The following HMGB1 variants were observed in gnomAD, a reference collection of about 807,000 sequenced individuals.
The protein encoded by HMGB1 is high mobility group box 1.
For missense variants in HMGB1, 79 were observed against 253.5 expected (o/e 0.31, Z 4.67); for synonymous variants, 81 against 84.0 (o/e 0.96, Z 0.19).
intron 1 of HMGB1, among the ~76,000 whole-genome samples, chr13:30,586,992 C>T (rs1871181375): frequency 6.6e-6 from 1 of 152,118 alleles, no homozygotes; most frequent in Non-Finnish European, 1.5e-5. Flanking sequence ...ATTCTTTTCT[C>T]ACTAGTTATT....
chr13:30,541,400 GAAGT>G (rs1868877583), intron 1 of HMGB1, among the ~76,000 whole-genome samples: 1 of 152,192 alleles, frequency 6.6e-6, no homozygotes, highest in African/African-American at 2.4e-5. Flanking sequence ...AGATTTCCTG[GAAGT>G]AAGTGGGAAG....
intron 1 of HMGB1, among the ~76,000 whole-genome samples, chr13:30,532,514 A>G (rs143225043): frequency 1.2e-3 from 185 of 151,910 alleles, no homozygotes; most frequent in Non-Finnish European, 2.2e-3. Context: ...TTTATTTTTT[A>G]TATATGTTTT....
chr13:30,493,439 C>T lies in HMGB1; in HGVS notation c.-14-29745G>A, dbSNP rs143027944. Among the ~76,000 whole-genome samples, 9 of 152,228 alleles carry T rather than the reference C, an allele frequency of 5.9e-5. No homozygotes were observed. In the East Asian group the frequency reaches 1.4e-3, roughly 23 times the overall value. ...CAGACATGGAGAAGGATAAGGGAAA[C>T]GAGAAAATCTGGGGGATGACAGGAA... On this transcript the variant is annotated intron_variant, in intron 1 of 4. Coordinates refer to the HMGB1 transcript ENST00000405805.
At chr13:30,495,094 T>A (rs548704511) in intron 1 of HMGB1, among the ~76,000 whole-genome samples, 1 of 152,316 alleles carries the variant, frequency 6.6e-6, no homozygotes, top group Non-Finnish European at 1.5e-5. Flanking sequence ...AATTGGGTCA[T>A]CCCTAATTCA....
chr13:30,575,364 G>A (rs891770470), intron 1 of HMGB1, among the ~76,000 whole-genome samples: 6 of 152,162 alleles, frequency 3.9e-5, no homozygotes, highest in Admixed American at 6.5e-5. Context: ...ATATTTGTGA[G>A]TCTAAAGGTT....
intron 1 of HMGB1, among the ~76,000 whole-genome samples, chr13:30,615,251 TTAC>T (rs1950549872): frequency 6.6e-6 from 1 of 152,212 alleles, no homozygotes; most frequent in Admixed American, 6.5e-5. Context: ...ATGTCTTAAG[TTAC>T]TTTTTTAAAT....
intron 1 of HMGB1, among the ~76,000 whole-genome samples, chr13:30,533,363 CTTTGT>C (rs1044956331): frequency 6.6e-6 from 1 of 152,038 alleles, no homozygotes; most frequent in Non-Finnish European, 1.5e-5. Context: ...GTCTTTCAAA[CTTTGT>C]TTTTTGTTGT....
chr13:30,489,634 T>C (rs931751959), intron 1 of HMGB1, among the ~76,000 whole-genome samples: 3 of 152,144 alleles, frequency 2.0e-5, no homozygotes, highest in Non-Finnish European at 2.9e-5. Context: ...AAAGTCAGGA[T>C]ACGAATAGAT....
rs117740897 is a variant in HMGB1 at position 30,545,894 on chromosome 13, T to C, written c.-15+70777A>G. Among the ~76,000 whole-genome samples, 1,256 of 151,718 alleles carry C rather than the reference T, an allele frequency of 8.3e-3. 7 individuals are homozygous for C. The highest frequency in any genetic ancestry group is 0.013 in the Non-Finnish European group (868 of 67,886). On this transcript the variant is annotated intron_variant, in intron 1 of 4. Coordinates refer to the HMGB1 transcript ENST00000405805. The stretch of plus-strand genomic sequence containing the variant: ...TTTTTGTGTTTTTTATAGAAACGGG[T>C]TTTCAACATGTTGCCCAAGCTGGTC...
At chr13:30,484,438 G>C (rs1887312769) in intron 1 of HMGB1, among the ~76,000 whole-genome samples, 1 of 152,208 alleles carries the variant, frequency 6.6e-6, no homozygotes, top group Non-Finnish European at 1.5e-5. Flanking sequence ...GAGTGAAGCA[G>C]GATGCTATTT....
chr13:30,503,512 T>C (rs1181860503), intron 1 of HMGB1, among the ~76,000 whole-genome samples: 1 of 152,086 alleles, frequency 6.6e-6, no homozygotes, highest in East Asian at 1.9e-4. Flanking sequence ...GTATACTGTA[T>C]CTTTTATGGA....
intron 1 of HMGB1, among the ~76,000 whole-genome samples, chr13:30,581,219 T>C (rs1369761391): frequency 6.6e-6 from 1 of 152,216 alleles, no homozygotes; most frequent in Non-Finnish European, 1.5e-5. Flanking sequence ...TAACTTAGAT[T>C]ACTTAGAGTA....
chr13:30,608,915 T>G (rs554662976), intron 1 of HMGB1, among the ~76,000 whole-genome samples: 1 of 152,348 alleles, frequency 6.6e-6, no homozygotes, highest in Non-Finnish European at 1.5e-5. Context: ...TTATAGTATA[T>G]TTGAGGTTTA....
chr13:30,607,885 A>G (rs1593343454), intron 1 of HMGB1, among the ~76,000 whole-genome samples: 2 of 152,202 alleles, frequency 1.3e-5, no homozygotes, highest in African/African-American at 4.8e-5. Flanking sequence ...ACATTACTGA[A>G]TTACTTGTTC....
chr13:30,551,524 T>C (rs1300645146), intron 1 of HMGB1, among the ~76,000 whole-genome samples: 1 of 152,234 alleles, frequency 6.6e-6, no homozygotes, highest in East Asian at 1.9e-4. Flanking sequence ...TAATCCATTC[T>C]CATTAAACTG....
intron 1 of HMGB1, among the ~76,000 whole-genome samples, chr13:30,553,052 C>A (rs140827962): frequency 1.5e-3 from 225 of 152,248 alleles, no homozygotes; most frequent in African/African-American, 5.2e-3. Context: ...CACTGAGGGA[C>A]AGGAGCTCAT....
Position 30,538,565 on chromosome 13 carries a change from TCTTTTTC to T in HMGB1, c.-14-74878_-14-74872del, listed in dbSNP as rs1278663105. On this transcript the variant is annotated intron_variant, in intron 1 of 4. Coordinates refer to the HMGB1 transcript ENST00000405805. Reference sequence around the variant, plus strand: ...TCTTTCTTTCTTTCTTTTTCTTTCTTCTTTTTCTTTCTTTCTTTCTTTTTCTTTCTTC... The same window carrying T: ...TCTTTCTTTCTTTCTTTTTCTTTCTTTTTCTTTCTTTCTTTTTCTTTCTTC... Among the ~76,000 whole-genome samples, 515 of 105,642 alleles carry T rather than the reference TCTTTTTC, an allele frequency of 4.9e-3. 29 individuals are homozygous for T. Among genetic ancestry groups the T allele is most frequent in the African/African-American group, 0.026 (484 of 18,964 alleles). The allele number at this position is 105,642 out of a possible 152,430, so 69.3% of individuals were successfully genotyped here.
chr13:30,537,652 C>CATATATATATATATATATATATATAT (rs58424009), intron 1 of HMGB1, among the ~76,000 whole-genome samples: 1 of 68,004 alleles, frequency 1.5e-5, no homozygotes, highest in Admixed American at 1.9e-4. Flanking sequence ...CATTCTTGTT[C>CATATATATATATATATATATATATAT]ATATATATAT....
At chr13:30,463,942 C>G in intron 1 of HMGB1, 1 of 392,692 alleles carries the variant, frequency 2.5e-6, no homozygotes. Flanking sequence ...AAAGATATAC[C>G]CATACAGTAT....
Sources: allele counts gnomAD v4.1 joint callset (sites outside exome capture counted in the v4.1 genomes callset), GRCh38; gene constraint gnomAD v4.1.1; transcripts MANE v1.5; gene names NCBI Gene and HGNC (gene_info 2026-07-23, HGNC 2026-07-21).